The following CTNNA3 variants were observed in gnomAD, a reference collection of about 807,000 sequenced individuals.
CTNNA3 encodes catenin alpha 3, also known as catenin alpha-3.
In CTNNA3, 76 loss-of-function variants were observed where a neutral mutation model predicts 95.7. That is an observed-to-expected ratio of 0.79 (90% CI 0.66 to 0.96). The LOEUF is 0.96. CTNNA3 is among the 40% of genes least tolerant of loss of function. CTNNA3 has a pLI of 0.00. For missense variants in CTNNA3, 1,191 were observed against 1,089.8 expected (o/e 1.09, Z -1.31); for synonymous variants, 431 against 374.4 (o/e 1.15, Z -1.74).
At chr10:66,716,648 G>A (rs974316130) in intron 9 of CTNNA3, among the ~76,000 whole-genome samples, 2 of 152,070 alleles carry the variant, frequency 1.3e-5, no homozygotes, top group Non-Finnish European at 2.9e-5. Context: ...TCATATGTGG[G>A]GCCCTCTAAT....
intron 11 of CTNNA3, among the ~76,000 whole-genome samples, chr10:66,476,133 G>T (rs1839318208): frequency 6.6e-6 from 1 of 152,070 alleles, no homozygotes; most frequent in Admixed American, 6.6e-5. Flanking sequence ...AACACCACTT[G>T]TTCTCACTCA....
At chr10:66,002,288 T>C (rs1394841516) in intron 15 of CTNNA3, among the ~76,000 whole-genome samples, 1 of 152,182 alleles carries the variant, frequency 6.6e-6, no homozygotes, top group Non-Finnish European at 1.5e-5. Context: ...TACTTTCTCT[T>C]GTAAAGTGTC....
At chr10:66,153,848 TACAC>T (rs148457020) in intron 13 of CTNNA3, among the ~76,000 whole-genome samples, 15,919 of 148,752 alleles carry the variant, frequency 0.11, 1,071 homozygotes, top group African/African-American at 0.19. Context: ...ATAATTTGTT[TACAC>T]ACACACACAC....
chr10:66,975,444 G>C (rs1055422000), intron 7 of CTNNA3, among the ~76,000 whole-genome samples: 11 of 152,118 alleles, frequency 7.2e-5, no homozygotes, highest in Non-Finnish European at 1.5e-5. Flanking sequence ...ATCAGCTACT[G>C]GTGTAAGTAA....
At chr10:67,632,941 AT>A (rs1192064469) in intron 2 of CTNNA3, among the ~76,000 whole-genome samples, 1 of 152,204 alleles carries the variant, frequency 6.6e-6, no homozygotes, top group Non-Finnish European at 1.5e-5. Flanking sequence ...ACTGATTGGA[AT>A]TCCAGCCAGC....
At chr10:66,369,517 C>G (rs941990821) in intron 12 of CTNNA3, among the ~76,000 whole-genome samples, 1 of 151,742 alleles carries the variant, frequency 6.6e-6, no homozygotes, top group African/African-American at 2.4e-5. Flanking sequence ...TTTTGTTTTT[C>G]TATTATACTT....
intron 17 of CTNNA3, among the ~76,000 whole-genome samples, chr10:65,927,538 A>G (rs1353680186): frequency 6.6e-6 from 1 of 152,192 alleles, no homozygotes. Context: ...ATAGTTGTAT[A>G]TAAATGGAAT....
At position 67,214,834 on chromosome 10, in the gene CTNNA3, C is replaced by CT. The variant is rs34127214; in HGVS notation, c.843+4772dup. On this transcript the variant is annotated intron_variant, in intron 6 of 17. Coordinates refer to ENST00000433211, the MANE Select transcript of CTNNA3 (RefSeq NM_013266.4). ...AATCAGTCATCATTCATAGGTAACT[C>CT]TTTTTTTTCCTATTTTCTTTTAAAA... Among the ~76,000 whole-genome samples, 2,604 of 151,816 alleles carry CT rather than the reference C, an allele frequency of 0.017. 128 individuals carry two copies. In the East Asian group the frequency reaches 0.18, roughly 11 times the overall value.
chr10:67,699,798 C>T (rs767976896), upstream of CTNNA3, among the ~76,000 whole-genome samples: 42 of 152,082 alleles, frequency 2.8e-4, no homozygotes, highest in African/African-American at 8.9e-4. Flanking sequence ...GTGCACCGTT[C>T]GCGAGCCGAA....
intron 15 of CTNNA3, among the ~76,000 whole-genome samples, chr10:65,995,954 G>A (rs2133349454): frequency 6.6e-6 from 1 of 152,308 alleles, no homozygotes; most frequent in South Asian, 2.1e-4. Context: ...GGTACAGGCT[G>A]TGATCGGCAG....
intron 1 of CTNNA3, among the ~76,000 whole-genome samples, chr10:67,653,350 T>C (rs571235932): frequency 6.6e-6 from 1 of 152,310 alleles, no homozygotes; most frequent in South Asian, 2.1e-4. Flanking sequence ...GGAATCACAA[T>C]TCTACATGAA....
chr10:66,465,742 C>T (rs1197002162), intron 11 of CTNNA3, among the ~76,000 whole-genome samples: 2 of 152,102 alleles, frequency 1.3e-5, no homozygotes, highest in Admixed American at 6.6e-5. Flanking sequence ...CTCAGAACAT[C>T]ACTGGGCATT....
chr10:67,078,778 C>A (rs545738690), intron 7 of CTNNA3, among the ~76,000 whole-genome samples: 2 of 152,108 alleles, frequency 1.3e-5, no homozygotes, highest in Middle Eastern at 3.2e-3. Flanking sequence ...GGCCCCCCAA[C>A]GTGCTGAGAT....
intron 2 of CTNNA3, among the ~76,000 whole-genome samples, chr10:67,630,348 A>G (rs943725515): frequency 1.3e-5 from 2 of 152,220 alleles, no homozygotes; most frequent in Non-Finnish European, 2.9e-5. Flanking sequence ...TGAACATTTT[A>G]GGAGTTCTCG....
intron 17 of CTNNA3, among the ~76,000 whole-genome samples, chr10:65,941,395 T>C (rs2077427761): frequency 6.6e-6 from 1 of 152,200 alleles, no homozygotes; most frequent in African/African-American, 2.4e-5. Flanking sequence ...TACTCACTGC[T>C]GTCACTCTAA....
intron 9 of CTNNA3, among the ~76,000 whole-genome samples, chr10:66,690,238 A>G (rs1243614829): frequency 6.6e-6 from 1 of 152,220 alleles, no homozygotes; most frequent in Non-Finnish European, 1.5e-5. Flanking sequence ...ACTTGGGTGC[A>G]GACTGAATTC....
intron 7 of CTNNA3, among the ~76,000 whole-genome samples, chr10:67,037,381 G>T (rs12358898): frequency 8.0e-6 from 1 of 124,368 alleles, no homozygotes; most frequent in East Asian, 2.1e-4. Context: ...AAAAAAAAAA[G>T]AAAAAAGAAA....
chr10:66,248,920 C>T (rs541226392), intron 13 of CTNNA3, among the ~76,000 whole-genome samples: 120 of 152,164 alleles, frequency 7.9e-4, no homozygotes, highest in Admixed American at 1.4e-3. Flanking sequence ...GCTATAGTAA[C>T]CAAAATAGCA....
At chr10:67,343,672 C>G (rs2616696) in intron 5 of CTNNA3, among the ~76,000 whole-genome samples, 109,057 of 151,816 alleles carry the variant, frequency 0.72, 43,183 homozygotes, top group Non-Finnish European at 0.88. Flanking sequence ...TTAGATTTTT[C>G]CAAATATAAG....
Sources: gnomAD v4.1 joint callset for allele counts (sites outside exome capture counted in the v4.1 genomes callset) on GRCh38, gnomAD v4.1.1 for gene constraint, MANE v1.5 for transcripts, NCBI Gene and HGNC (gene_info 2026-07-23, HGNC 2026-07-21) for gene names.